The following BMPER variants were observed in gnomAD, a reference collection of about 807,000 sequenced individuals.
The protein encoded by BMPER is BMP binding endothelial regulator, also known as BMP-binding endothelial regulator protein.
In BMPER, 45 loss-of-function variants were observed where a neutral mutation model predicts 87.3. The observed-to-expected ratio is 0.52, with a 90% CI of 0.41 to 0.66. BMPER has a LOEUF of 0.66. BMPER is among the 30% of genes least tolerant of loss of function. The pLI is 0.00. For synonymous variants in BMPER, 326 were observed against 316.2 expected, an observed-to-expected ratio of 1.03 and a Z score of -0.33; for missense variants, 784 against 867.5, an observed-to-expected ratio of 0.90 and a Z score of 1.21.
chr7:33,950,331 T>C (rs1784989625), intron 3 of BMPER, among the ~76,000 whole-genome samples: 1 of 152,204 alleles, frequency 6.6e-6, no homozygotes, highest in Non-Finnish European at 1.5e-5. Context: ...CAGAGCTTCC[T>C]TCTGCTGCTG....
chr7:34,141,153 A>C (rs961588082), intron 13 of BMPER, among the ~76,000 whole-genome samples: 3 of 152,228 alleles, frequency 2.0e-5, no homozygotes, highest in Non-Finnish European at 4.4e-5. Flanking sequence ...AGATTCATAC[A>C]CTGGCATTTA....
chr7:34,108,668 C>T (rs1246785608), intron 13 of BMPER, among the ~76,000 whole-genome samples: 2 of 152,146 alleles, frequency 1.3e-5, no homozygotes, highest in South Asian at 2.1e-4. Flanking sequence ...TTTTGGACTA[C>T]ATTTTTCTGT....
chr7:34,015,872 C>T (rs1787008852), intron 6 of BMPER, among the ~76,000 whole-genome samples: 1 of 151,736 alleles, frequency 6.6e-6, no homozygotes, highest in African/African-American at 2.4e-5. Context: ...CACAATGCTC[C>T]TGAAAAATAA....
chr7:33,921,784 C>G (rs1784235745), intron 2 of BMPER: 1 of 471,004 alleles, frequency 2.1e-6, no homozygotes, highest in East Asian at 7.0e-5. Flanking sequence ...TCAGCATGAG[C>G]CAACTAGATG....
At chr7:34,147,437 T>G (rs1437052905) in intron 14 of BMPER, among the ~76,000 whole-genome samples, 1 of 152,194 alleles carries the variant, frequency 6.6e-6, no homozygotes, top group Non-Finnish European at 1.5e-5. Context: ...AAATGCACTC[T>G]AATCCTAACC....
chr7:33,914,128 A>C (rs1044569850), intron 2 of BMPER, among the ~76,000 whole-genome samples: 10 of 150,592 alleles, frequency 6.6e-5, no homozygotes, highest in Non-Finnish European at 1.3e-4. Flanking sequence ...ATGCCCGGCT[A>C]ATTTTTTTTT....
intron 2 of BMPER, among the ~76,000 whole-genome samples, chr7:33,936,287 G>A (rs868775247): frequency 5.3e-5 from 8 of 152,176 alleles, no homozygotes; most frequent in Middle Eastern, 3.2e-3. Flanking sequence ...CCTGCCCCGA[G>A]ATGAGGCACT....
intron 6 of BMPER, among the ~76,000 whole-genome samples, chr7:33,999,932 A>T (rs1002008133): frequency 6.6e-6 from 1 of 152,156 alleles, no homozygotes; most frequent in Non-Finnish European, 1.5e-5. Context: ...TGAAGTGGAG[A>T]CCTCATCAAA....
At chr7:33,993,739 A>G (rs1786304895) in intron 6 of BMPER, among the ~76,000 whole-genome samples, 1 of 151,670 alleles carries the variant, frequency 6.6e-6, no homozygotes, top group Admixed American at 6.6e-5. Context: ...TTTTTTCCCC[A>G]TCTTTGTGGT....
chr7:33,953,697 A>G (rs1367548809), intron 3 of BMPER, among the ~76,000 whole-genome samples: 1 of 152,238 alleles, frequency 6.6e-6, no homozygotes, highest in African/African-American at 2.4e-5. Context: ...ATTTGATGGC[A>G]TTAAGTACAT....
chr7:34,145,111 T>C (rs771996619), intron 14 of BMPER, among the ~76,000 whole-genome samples: 1 of 152,216 alleles, frequency 6.6e-6, no homozygotes, highest in African/African-American at 2.4e-5. Flanking sequence ...CTTTCTTCAA[T>C]TGGCCTTGTG....
chr7:33,960,636 G>C (rs1256719855), intron 3 of BMPER, among the ~76,000 whole-genome samples: 4 of 152,144 alleles, frequency 2.6e-5, no homozygotes, highest in Non-Finnish European at 5.9e-5. Context: ...CCAGTAGTTA[G>C]GGAACCAAAA....
intron 13 of BMPER, among the ~76,000 whole-genome samples, chr7:34,123,296 C>G (rs1233157297): frequency 6.6e-6 from 1 of 152,154 alleles, no homozygotes; most frequent in African/African-American, 2.4e-5. Context: ...GAATCAGAGG[C>G]CAGTGCTATC....
At chr7:33,941,005 A>C (rs1338166995) in intron 3 of BMPER, among the ~76,000 whole-genome samples, 1 of 135,222 alleles carries the variant, frequency 7.4e-6, no homozygotes, top group Non-Finnish European at 1.5e-5. Flanking sequence ...TATATAATTT[A>C]TATGTAATAT....
At chr7:34,129,622 G>A (rs199534847) in intron 13 of BMPER, among the ~76,000 whole-genome samples, 31,690 of 62,122 alleles carry the variant, frequency 0.51, 6,424 homozygotes, top group East Asian at 0.63. Flanking sequence ...GAGAGAGAGA[G>A]AGAAAGAGAG....
intron 13 of BMPER, among the ~76,000 whole-genome samples, chr7:34,139,638 G>C (rs1384376584): frequency 6.6e-6 from 1 of 152,196 alleles, no homozygotes; most frequent in African/African-American, 2.4e-5. Context: ...GTTGGATTTG[G>C]TCGTATCTGT....
chr7:34,018,679 CT>C (rs1203640044), intron 6 of BMPER, among the ~76,000 whole-genome samples: 1 of 151,922 alleles, frequency 6.6e-6, no homozygotes, highest in Non-Finnish European at 1.5e-5. Flanking sequence ...TCTGCCTTGA[CT>C]TTATCACGAA....
At chr7:33,944,158 A>AC (rs1239359419) in intron 3 of BMPER, among the ~76,000 whole-genome samples, 27 of 151,778 alleles carry the variant, frequency 1.8e-4, no homozygotes, top group African/African-American at 6.5e-4. Flanking sequence ...ATTTTTATTT[A>AC]TTTTTTAATT....
At chr7:34,108,278 T>C (rs149772024) in intron 13 of BMPER, among the ~76,000 whole-genome samples, 178 of 152,322 alleles carry the variant, frequency 1.2e-3, no homozygotes, top group African/African-American at 3.8e-3. Flanking sequence ...TTTTTCAGTG[T>C]TGTGAAATGA....
Sources: gnomAD v4.1 joint callset for allele counts (sites outside exome capture counted in the v4.1 genomes callset) on GRCh38, gnomAD v4.1.1 for gene constraint, MANE v1.5 for transcripts, NCBI Gene and HGNC (gene_info 2026-07-23, HGNC 2026-07-21) for gene names.